The following ERBIN variants were observed in gnomAD, a reference collection of about 807,000 sequenced individuals.
ERBIN encodes densin-180-like protein.
A neutral mutation model predicts 158.4 loss-of-function variants in ERBIN; 60 were observed. The observed-to-expected ratio is 0.38, with a 90% CI of 0.31 to 0.47. The LOEUF (loss-of-function observed/expected upper bound fraction) is 0.47. ERBIN is among the 20% of genes least tolerant of loss of function. The pLI is 0.99. For missense variants in ERBIN, 1,610 were observed against 1,648.0 expected (o/e 0.98, Z 0.40); for synonymous variants, 594 against 557.2 (o/e 1.07, Z -0.93).
At chr5:66,013,271 T>C (rs1754394276) in intron 5 of ERBIN, among the ~76,000 whole-genome samples, 1 of 152,226 alleles carries the variant, frequency 6.6e-6, no homozygotes, top group Admixed American at 6.5e-5. Context: ...TATATTTTTA[T>C]GTATTGTGGC....
intron 1 of ERBIN, among the ~76,000 whole-genome samples, chr5:65,959,708 A>G (rs1393777361): frequency 6.6e-6 from 1 of 152,204 alleles, no homozygotes; most frequent in Admixed American, 6.5e-5. Flanking sequence ...GCCCCCTTTT[A>G]TATAGCATAT....
intron 21 of ERBIN, among the ~76,000 whole-genome samples, chr5:66,070,201 C>T (rs1166731717): frequency 6.6e-6 from 1 of 152,038 alleles, no homozygotes; most frequent in African/African-American, 2.4e-5. Context: ...CGCACCACCA[C>T]ACCCGGCTAA....
At chr5:66,018,520 ATATATATTATAT>A (rs1561380850) in intron 7 of ERBIN, among the ~76,000 whole-genome samples, 728 of 6,868 alleles carry the variant, frequency 0.11, 288 homozygotes, top group African/African-American at 0.2. Flanking sequence ...ATATTATATA[ATATATATTATAT>A]TATATAATAT....
chr5:65,957,195 ATTT>A (rs538465405), intron 1 of ERBIN, among the ~76,000 whole-genome samples: 1 of 149,736 alleles, frequency 6.7e-6, no homozygotes, highest in Non-Finnish European at 1.5e-5. Context: ...TCAATGTAGG[ATTT>A]TTTTTTTAAA....
At chr5:66,076,682 CAA>C (rs1321898996) in intron 24 of ERBIN, 191 bp from the exon 25 acceptor site, 11 of 604,416 alleles carry the variant, frequency 1.8e-5, no homozygotes, top group Admixed American at 1.0e-4. Flanking sequence ...TTATTACTCT[CAA>C]GAGAAATCAC....
chr5:66,041,059 C>T (rs1757876149), intron 15 of ERBIN, among the ~76,000 whole-genome samples: 1 of 151,652 alleles, frequency 6.6e-6, no homozygotes, highest in Non-Finnish European at 1.5e-5. Context: ...TTTCTTTTTA[C>T]ATTGAAGTGA....
At chr5:65,992,223 C>T (rs958181797) in intron 2 of ERBIN, among the ~76,000 whole-genome samples, 1 of 151,996 alleles carries the variant, frequency 6.6e-6, no homozygotes, top group Non-Finnish European at 1.5e-5. Flanking sequence ...GATCTCGGCT[C>T]ACTGCAAGCT....
chr5:66,015,221 T>C (rs942290825), intron 7 of ERBIN, among the ~76,000 whole-genome samples: 1 of 152,134 alleles, frequency 6.6e-6, no homozygotes, highest in Non-Finnish European at 1.5e-5. Flanking sequence ...AAAAAAAGAT[T>C]TAATTATAAA....
chr5:65,974,266 G>A (rs534921470), intron 1 of ERBIN, among the ~76,000 whole-genome samples: 11 of 152,232 alleles, frequency 7.2e-5, no homozygotes, highest in East Asian at 3.9e-4. Flanking sequence ...GACCTGCTGC[G>A]GTGTCCTTAC....
chr5:65,991,846 T>A (rs1580276702), intron 2 of ERBIN, among the ~76,000 whole-genome samples: 2 of 152,338 alleles, frequency 1.3e-5, no homozygotes, highest in South Asian at 2.1e-4. Context: ...TTAAGACATA[T>A]AAGTTCTTTA....
intron 15 of ERBIN, among the ~76,000 whole-genome samples, chr5:66,040,557 T>C (rs550654571): frequency 6.6e-6 from 1 of 152,048 alleles, no homozygotes; most frequent in African/African-American, 2.4e-5. Flanking sequence ...AGAGTTCATG[T>C]GTCACCTAAA....
At chr5:65,987,280 C>G (rs1355037247) in intron 1 of ERBIN, among the ~76,000 whole-genome samples, 2 of 151,468 alleles carry the variant, frequency 1.3e-5, no homozygotes, top group Non-Finnish European at 2.9e-5. Flanking sequence ...CACCTGTAAA[C>G]CCAGCACTTT....
intron 4 of ERBIN, among the ~76,000 whole-genome samples, chr5:66,001,556 G>T (rs977042311): frequency 6.6e-6 from 1 of 152,082 alleles, no homozygotes; most frequent in African/African-American, 2.4e-5. Context: ...TTATTGGTCT[G>T]GTTATTAAAC....
chr5:66,012,629 AC>A (rs1287646448), intron 5 of ERBIN, among the ~76,000 whole-genome samples: 1 of 152,246 alleles, frequency 6.6e-6, no homozygotes, highest in Non-Finnish European at 1.5e-5. Flanking sequence ...ATGACTGTAA[AC>A]AAAGTTTTCC....
chr5:66,027,340 C>T (rs1756378134), intron 13 of ERBIN, among the ~76,000 whole-genome samples: 2 of 151,968 alleles, frequency 1.3e-5, no homozygotes, highest in Admixed American at 1.3e-4. Flanking sequence ...CTACGGCCCA[C>T]AGTGGGTTGC....
intron 14 of ERBIN, among the ~76,000 whole-genome samples, chr5:66,035,578 C>T (rs1416771297): frequency 2.6e-5 from 4 of 152,180 alleles, no homozygotes; most frequent in Admixed American, 2.6e-4. Context: ...CTGTCCAGTA[C>T]CATAGCCACT....
intron 1 of ERBIN, among the ~76,000 whole-genome samples, chr5:65,965,968 G>T (rs559318418): frequency 6.6e-6 from 1 of 152,150 alleles, no homozygotes; most frequent in Non-Finnish European, 1.5e-5. Flanking sequence ...CAAATAAAAT[G>T]ACGGTGCAGT....
intron 4 of ERBIN, among the ~76,000 whole-genome samples, chr5:65,995,664 G>T (rs191376626): frequency 2.6e-4 from 39 of 152,182 alleles, no homozygotes; most frequent in Non-Finnish European, 4.9e-4. Flanking sequence ...GCTGGATCTT[G>T]TGGTAGTTCT....
chr5:66,028,723 G>A (rs1756539676), intron 14 of ERBIN, among the ~76,000 whole-genome samples: 1 of 152,108 alleles, frequency 6.6e-6, no homozygotes. Context: ...TCACCATGTT[G>A]TACAGTAGAG....
Sources: allele counts gnomAD v4.1 joint callset (sites outside exome capture counted in the v4.1 genomes callset), GRCh38; gene constraint gnomAD v4.1.1; transcripts MANE v1.5; gene names NCBI Gene and HGNC (gene_info 2026-07-23, HGNC 2026-07-21).